XRRA1: variants seen among roughly 807,000 people sequenced by gnomAD.
The protein encoded by XRRA1 is X-ray radiation resistance associated 1.
In XRRA1, 69 loss-of-function variants were observed where a neutral mutation model predicts 80.2. That is an observed-to-expected ratio of 0.86 (90% CI 0.71 to 1.05). The LOEUF (loss-of-function observed/expected upper bound fraction) is 1.05, where lower values mean the gene tolerates loss of function less well. Among genes scored for constraint, XRRA1 ranks in the 50% least tolerant of loss-of-function variants. The probability of loss-of-function intolerance (pLI) is 0.00; values close to 1 mark genes in which losing one functional copy is unlikely to be tolerated. For missense variants in XRRA1, 967 were observed against 976.4 expected, an observed-to-expected ratio of 0.99 and a Z score of 0.13; for synonymous variants, 348 against 389.9, an observed-to-expected ratio of 0.89 and a Z score of 1.27.
At chr11:74,850,205 C>T (rs547060479) in intron 14 of XRRA1, among the ~76,000 whole-genome samples, 1 of 152,300 alleles carries the variant, frequency 6.6e-6, no homozygotes, top group South Asian at 2.1e-4. Context: ...GTTGCTTCAT[C>T]TACTGTGAGG....
At chr11:74,929,530 G>T (rs1943031312) in intron 6 of XRRA1, among the ~76,000 whole-genome samples, 1 of 152,076 alleles carries the variant, frequency 6.6e-6, no homozygotes, top group Non-Finnish European at 1.5e-5. Context: ...TAATCCAGTC[G>T]CTGCCAATCT....
intron 10 of XRRA1, among the ~76,000 whole-genome samples, chr11:74,885,619 T>C (rs2048837647): frequency 6.6e-6 from 1 of 152,152 alleles, no homozygotes; most frequent in South Asian, 2.1e-4. Context: ...GACAGAGTCA[T>C]AGCCAAATTC....
At chr11:74,852,116 C>T in intron 12 of XRRA1, 34 bp from the exon 13 acceptor site, 6 of 1,543,038 alleles carry the variant, frequency 3.9e-6, no homozygotes, top group Non-Finnish European at 5.4e-6. Flanking sequence ...CTCAGGTTGA[C>T]ACCACCCCTC....
Position 74,844,249 on chromosome 11 carries a change from C to A in XRRA1, c.1962G>T (p.Met654Ile). Residue 654 changes from methionine (M) to isoleucine (I), a missense_variant, in exon 17 of 19, where the codon ATG becomes ATT. By Grantham distance (10) the Met-to-Ile change is conservative. Coordinates refer to ENST00000684022, the MANE Select transcript of XRRA1 (RefSeq NM_001378157.1). ...AGTGGCACAGGAGTGGGTGCTTCAG[C>A]ATTTGTTGCAGGGCTTGTGCATTCT... The part of the protein sequence containing the change: ...IQKNAQALQQ[M>I]LKHPLLCHSS... The A allele has an allele frequency of 1.2e-6, 2 of 1,613,542 alleles. No homozygotes were observed. Among genetic ancestry groups the A allele is most frequent in the Non-Finnish European group, 1.7e-6 (2 of 1,179,840 alleles).
At chr11:74,873,655 C>A (rs1024824607) in intron 10 of XRRA1, among the ~76,000 whole-genome samples, 1 of 152,128 alleles carries the variant, frequency 6.6e-6, no homozygotes, top group African/African-American at 2.4e-5. Flanking sequence ...GTTTTGTGCC[C>A]CAACTGAGGA....
chr11:74,922,472 TCTC>T (rs1941138080), intron 7 of XRRA1, among the ~76,000 whole-genome samples: 1 of 152,084 alleles, frequency 6.6e-6, no homozygotes, highest in South Asian at 2.1e-4. Context: ...CAATATTTGT[TCTC>T]CTTCTCCTAA....
chr11:74,942,266 C>T (rs1369468211), intron 2 of XRRA1, among the ~76,000 whole-genome samples: 3 of 151,668 alleles, frequency 2.0e-5, no homozygotes, highest in Non-Finnish European at 2.9e-5. Context: ...AGGTGGGGAC[C>T]GAAAATAGGC....
chr11:74,863,198 G>C (rs1029459606), intron 10 of XRRA1, 177 bp from the exon 11 acceptor site: 1 of 677,500 alleles, frequency 1.5e-6, no homozygotes, highest in African/African-American at 1.8e-5. Flanking sequence ...CATGCATCAG[G>C]TAATAAGTCC....
chr11:74,862,989 T>A lies in XRRA1; in HGVS notation c.1036A>T (p.Thr346Ser). The A allele has an allele frequency of 6.9e-6, 11 of 1,603,822 alleles. No individual in the cohort carries two copies. Among genetic ancestry groups the A allele is most frequent in the Non-Finnish European group, 9.4e-6 (11 of 1,175,008 alleles). The change falls in exon 11 of 19, where the codon ACC becomes TCC. Residue 346 changes from threonine to serine, a missense_variant. Coordinates refer to ENST00000684022, the MANE Select transcript of XRRA1 (RefSeq NM_001378157.1). The stretch of plus-strand genomic sequence containing the variant: ...AAGTAGTCAGTTCCTACCTCTGAGG[T>A]TGAAAATCCAGGGTAAGATGAAAAC... ...VVFSSYPGFS[T>S]SETTKICSLP...
intron 11 of XRRA1, among the ~76,000 whole-genome samples, chr11:74,859,618 C>G (rs1258533915): frequency 6.6e-6 from 1 of 152,094 alleles, no homozygotes; most frequent in Non-Finnish European, 1.5e-5. Context: ...CAGCAGCTTA[C>G]CCTGAATTGG....
At chr11:74,902,569 G>A (rs893276505) in intron 10 of XRRA1, among the ~76,000 whole-genome samples, 1 of 152,196 alleles carries the variant, frequency 6.6e-6, no homozygotes, top group African/African-American at 2.4e-5. Flanking sequence ...TATATACAAT[G>A]GAGTACTATT....
intron 11 of XRRA1, among the ~76,000 whole-genome samples, chr11:74,860,808 C>T (rs937075266): frequency 2.0e-5 from 3 of 152,204 alleles, no homozygotes; most frequent in Non-Finnish European, 4.4e-5. Flanking sequence ...TCCCAGGTTC[C>T]TGGCACTGAG....
At chr11:74,889,683 G>T (rs2050112270) in intron 10 of XRRA1, among the ~76,000 whole-genome samples, 1 of 152,126 alleles carries the variant, frequency 6.6e-6, no homozygotes, top group Non-Finnish European at 1.5e-5. Flanking sequence ...GACACACATA[G>T]GCTCAAAATA....
intron 10 of XRRA1, among the ~76,000 whole-genome samples, chr11:74,892,305 A>G (rs2050972974): frequency 6.6e-6 from 1 of 152,232 alleles, no homozygotes; most frequent in Admixed American, 6.5e-5. Context: ...GAAATGGGGA[A>G]ATGATTCCCT....
intron 5 of XRRA1, 48 bp from the exon 6 acceptor site, chr11:74,930,420 C>G (rs1412389470): frequency 6.9e-7 from 1 of 1,451,438 alleles, no homozygotes; most frequent in South Asian, 1.3e-5. Flanking sequence ...AAGATTAGTT[C>G]CCTGCCTAGA....
chr11:74,932,583 A>C (rs140089795), intron 5 of XRRA1, among the ~76,000 whole-genome samples: 2 of 152,358 alleles, frequency 1.3e-5, no homozygotes, highest in East Asian at 1.9e-4. Flanking sequence ...AAGTAAAAGA[A>C]GAACATACGG....
At position 74,939,843 on chromosome 11, in the gene XRRA1, TAGAGAG is replaced by T. The variant is rs34445753; in HGVS notation, c.94+936_94+941del. On this transcript the variant is annotated intron_variant, in intron 3 of 18. Coordinates refer to ENST00000684022, the MANE Select transcript of XRRA1 (RefSeq NM_001378157.1). ...TGTGTCTGTGTGTGAGAGAGTGACA[TAGAGAG>T]AGAGAGAGAGAGAGCGAGAGCAAGA... is the stretch of plus-strand genomic sequence containing the variant. Among the ~76,000 whole-genome samples the T allele has an allele frequency of 7.4e-4, 107 of 144,836 alleles. 1 individual carries two copies. Among genetic ancestry groups the T allele is most frequent in the African/African-American group, 2.0e-3 (78 of 38,120 alleles).
chr11:74,897,706 TAAAAAAAAAAAAAAA>T (rs61193896), intron 10 of XRRA1, among the ~76,000 whole-genome samples: 1 of 84,440 alleles, frequency 1.2e-5, no homozygotes, highest in African/African-American at 5.4e-5. Flanking sequence ...TTTAAACTGC[TAAAAAAAAAAAAAAA>T]AGAAAAAAAA....
intron 10 of XRRA1, among the ~76,000 whole-genome samples, chr11:74,883,111 T>A (rs2048106601): frequency 6.6e-6 from 1 of 152,206 alleles, no homozygotes; most frequent in African/African-American, 2.4e-5. Flanking sequence ...TCCCCCAGCC[T>A]CGCTGCCGCC....
Sources: gnomAD v4.1 joint callset for allele counts (sites outside exome capture counted in the v4.1 genomes callset) on GRCh38, gnomAD v4.1.1 for gene constraint, MANE v1.5 for transcripts, NCBI Gene and HGNC (gene_info 2026-07-23, HGNC 2026-07-21) for gene names.